PSD2: variants seen among roughly 807,000 people sequenced by gnomAD.
The protein encoded by PSD2 is PH and SEC7 domain-containing protein 2.
PSD2 carries 38 observed loss-of-function variants against 69.8 expected under a neutral mutation model. The observed-to-expected ratio is 0.54, with a 90% CI of 0.42 to 0.71. The LOEUF (loss-of-function observed/expected upper bound fraction) is 0.71, where lower values mean the gene tolerates loss of function less well. PSD2 is among the 30% of genes least tolerant of loss of function. The pLI is 0.00. For missense variants in PSD2, 943 were observed against 1,014.5 expected (o/e 0.93, Z 0.96); for synonymous variants, 412 against 423.0 (o/e 0.97, Z 0.32).
At position 139,814,171 on chromosome 5, in the gene PSD2, GA is replaced by G; in HGVS notation, c.824del (p.Asp275AlafsTer4). On this transcript the variant is annotated frameshift_variant and splice_region_variant, in exon 4 of 15. Coordinates refer to ENST00000274710, the MANE Select transcript of PSD2 (RefSeq NM_032289.4). LOFTEE classifies it high-confidence loss of function. This position sits in a 1 kb window ranked among gnomAD's most constrained non-coding sequence, Gnocchi z 4.4. ...DTDKLLNSAS[D>X]PSLKDGLSDS... ...CTTCCACCCACCTTCCATCTGCAGT[GA>G]CCCCAGCCTGAAGGATGGCCTGTCA... The G allele has an allele frequency of 6.2e-7, 1 of 1,612,734 alleles. No homozygotes were observed. The highest frequency in any genetic ancestry group is 8.5e-7 in the Non-Finnish European group (1 of 1,179,434).
chr5:139,765,505 G>T, the PSD2 span, among the ~76,000 whole-genome samples: 11 of 152,118 alleles, frequency 7.2e-5, no homozygotes, highest in African/African-American at 2.7e-4. Context: ...ATCTCGTTCT[G>T]CCCAGTATAT....
At chr5:139,810,605 G>A (rs1759932801) in intron 2 of PSD2, among the ~76,000 whole-genome samples, 1 of 152,204 alleles carries the variant, frequency 6.6e-6, no homozygotes, top group East Asian at 1.9e-4. Context: ...TGGGTGGGGG[G>A]TGTTGGTGCC....
chr5:139,768,354 G>A, the PSD2 span, among the ~76,000 whole-genome samples: 1 of 152,212 alleles, frequency 6.6e-6, no homozygotes, highest in Non-Finnish European at 1.5e-5. Flanking sequence ...TGTGTAGTGG[G>A]GGAGAGGAGG....
chr5:139,803,761 C>G (rs1014968262), intron 1 of PSD2, among the ~76,000 whole-genome samples: 6 of 152,170 alleles, frequency 3.9e-5, no homozygotes, highest in Non-Finnish European at 8.8e-5. Context: ...GGGAAGTTCC[C>G]TAGGCTCCTG....
intron 7 of PSD2, among the ~76,000 whole-genome samples, chr5:139,830,612 TTCTTTCTTTCTTTC>T (rs1370032251): frequency 2.0e-4 from 19 of 94,064 alleles, no homozygotes; most frequent in Admixed American, 7.0e-4. Flanking sequence ...TTCTTTCTCT[TTCTTTCTTTCTTTC>T]TCTTTCTTTC....
At chr5:139,751,449 A>G in the PSD2 span, among the ~76,000 whole-genome samples, 1 of 152,096 alleles carries the variant, frequency 6.6e-6, no homozygotes, top group South Asian at 2.1e-4. Context: ...CCACCTACAC[A>G]TACTCACACA....
At chr5:139,755,583 G>A in the PSD2 span, among the ~76,000 whole-genome samples, 1 of 151,872 alleles carries the variant, frequency 6.6e-6, no homozygotes, top group Admixed American at 6.6e-5. Context: ...TGATATGTCT[G>A]TGTCTGTCCT....
intron 7 of PSD2, among the ~76,000 whole-genome samples, chr5:139,830,415 A>G (rs1478424657): frequency 1.5e-5 from 2 of 133,214 alleles, no homozygotes; most frequent in Non-Finnish European, 3.1e-5. Flanking sequence ...TAGTGGTGTG[A>G]TCCTGGCTCA....
the PSD2 span, among the ~76,000 whole-genome samples, chr5:139,782,099 C>A: frequency 2.6e-5 from 4 of 152,216 alleles, no homozygotes. Context: ...CTTCACAGGG[C>A]CTTTCATAGG....
At chr5:139,797,090 T>C (rs1430601481) in intron 1 of PSD2, among the ~76,000 whole-genome samples, 2 of 152,134 alleles carry the variant, frequency 1.3e-5, no homozygotes, top group African/African-American at 4.8e-5. Context: ...GCAGTTGCAG[T>C]CGTTCTTTCA....
At chr5:139,745,639 G>A in the PSD2 span, among the ~76,000 whole-genome samples, 1 of 152,264 alleles carries the variant, frequency 6.6e-6, no homozygotes, top group East Asian at 1.9e-4. Flanking sequence ...AGTGTCTGCT[G>A]GATGCGGTAG....
At chr5:139,816,793 C>T (rs1451253724) in intron 4 of PSD2, among the ~76,000 whole-genome samples, 2 of 152,186 alleles carry the variant, frequency 1.3e-5, no homozygotes, top group Non-Finnish European at 2.9e-5. Context: ...TGTCTGTGCC[C>T]TCTCCTGTTG....
chr5:139,762,060 T>C, the PSD2 span, among the ~76,000 whole-genome samples: 2 of 152,234 alleles, frequency 1.3e-5, no homozygotes. Flanking sequence ...TATCTTTTTT[T>C]TGAGACGGAG....
intron 5 of PSD2, among the ~76,000 whole-genome samples, chr5:139,820,576 T>A (rs373539071): frequency 6.6e-6 from 1 of 152,204 alleles, no homozygotes; most frequent in East Asian, 1.9e-4. Context: ...TAAAGCAAAG[T>A]GGGCATTGCA....
At chr5:139,746,359 C>T in the PSD2 span, 1 of 151,486 alleles carries the variant, frequency 6.6e-6, no homozygotes, top group Admixed American at 6.6e-5. This position sits in a 1 kb window ranked among gnomAD's most constrained non-coding sequence, Gnocchi z 4.5. Flanking sequence ...CTGAACGAAA[C>T]TTCAACTTCA....
At chr5:139,833,111 G>A (rs1581736294) in intron 7 of PSD2, among the ~76,000 whole-genome samples, 1 of 152,136 alleles carries the variant, frequency 6.6e-6, no homozygotes, top group African/African-American at 2.4e-5. Context: ...AGGTGAGAGG[G>A]CGAGACAGTT....
rs558248683 is a variant in PSD2, at chr5:139,822,092, C to T, written c.1210+87C>T. 1.8e-4 allele frequency: 145 copies of T among 787,492 alleles called. 1 individual carries two copies. In the South Asian group the frequency reaches 2.0e-3, roughly 11 times the overall value. 48.8% of individuals were successfully genotyped at this position (787,492 alleles called of 1,614,324 possible). ...TCCCATCCTGGTCCACCTGGCACTT[C>T]GGTCCTGTTGCCAGGCCCAGATGGT... On this transcript the variant is annotated intron_variant, in intron 6 of 14. Transcript: ENST00000274710.
the PSD2 span, among the ~76,000 whole-genome samples, chr5:139,787,631 G>A: frequency 6.6e-6 from 1 of 152,246 alleles, no homozygotes; most frequent in East Asian, 1.9e-4. Flanking sequence ...AACACCAGCA[G>A]GTGGCGCCCC....
At chr5:139,841,804 GA>G (rs1315561159) in intron 14 of PSD2, among the ~76,000 whole-genome samples, 2 of 152,190 alleles carry the variant, frequency 1.3e-5, no homozygotes, top group Non-Finnish European at 1.5e-5. Flanking sequence ...TTTCTTTGGA[GA>G]AATGTAAATT....
Sources: allele counts gnomAD v4.1 joint callset (sites outside exome capture counted in the v4.1 genomes callset), GRCh38; gene constraint gnomAD v4.1.1; non-coding constraint Gnocchi (gnomAD v3.1); transcripts MANE v1.5; gene names NCBI Gene and HGNC (gene_info 2026-07-23, HGNC 2026-07-21).